Variants in C10orf143 observed in about 807,000 individuals in gnomAD.
C10orf143 encodes the protein chromosome 10 open reading frame 143, also known as uncharacterized protein C10orf143.
intron 3 of C10orf143, among the ~76,000 whole-genome samples, chr10:130,070,037 A>G (rs1861004797): frequency 6.6e-6 from 1 of 152,140 alleles, no homozygotes; most frequent in African/African-American, 2.4e-5. Context: ...AATATATATC[A>G]TGAATGGGAT....
intron 1 of C10orf143, among the ~76,000 whole-genome samples, chr10:130,103,170 G>A (rs910561840): frequency 6.6e-6 from 1 of 152,028 alleles, no homozygotes; most frequent in Non-Finnish European, 1.5e-5. Context: ...TAGAGACGGG[G>A]TTTCTCCATG....
exon 4 of C10orf143, chr10:130,035,913 T>C (rs975170203): frequency 6.6e-6 from 1 of 152,198 alleles, no homozygotes; most frequent in African/African-American, 2.4e-5. Context: ...CATGGCTGGG[T>C]TCTGGTAAGC....
intron 1 of C10orf143, among the ~76,000 whole-genome samples, chr10:130,084,120 C>G (rs1379780750): frequency 6.6e-6 from 1 of 151,954 alleles, no homozygotes; most frequent in Non-Finnish European, 1.5e-5. Context: ...ACTAGCCTGG[C>G]CAATATGGTA....
intron 3 of C10orf143, among the ~76,000 whole-genome samples, chr10:130,045,741 C>T (rs1202428995): frequency 2.0e-5 from 3 of 152,206 alleles, no homozygotes; most frequent in Non-Finnish European, 4.4e-5. Flanking sequence ...CGTCCCGCCA[C>T]GCGGGCGGGA....
chr10:130,066,182 ATT>A (rs764477540), intron 3 of C10orf143: 3,749 of 112,730 alleles, frequency 0.033, 171 homozygotes, highest in African/African-American at 0.11. Flanking sequence ...TGAGACCTGG[ATT>A]TTTTTTTTTT....
At chr10:130,103,806 T>C (rs773923025) in intron 1 of C10orf143, among the ~76,000 whole-genome samples, 5 of 150,328 alleles carry the variant, frequency 3.3e-5, no homozygotes, top group Admixed American at 6.7e-5. Flanking sequence ...CAAAATTCTG[T>C]CTCAAAAAGA....
In C10orf143 at chr10:130,085,786, GA is replaced by G. The variant is rs112576346; in HGVS notation, c.70-5886del. 1.9e-3 allele frequency among the ~76,000 whole-genome samples: 284 copies of G among 151,328 alleles called. 3 individuals carry two copies. The South Asian group carries it at 0.02, about 10-fold the overall frequency. On this transcript the variant is annotated intron_variant, in intron 1 of 3. Coordinates refer to ENST00000637128, the MANE Select transcript of C10orf143 (RefSeq NM_001355042.2). ...TTCAAAATAACAAGTTTTTTAAAAT[GA>G]AAAAAAAATATCTTGCATCCCTAAT...
At chr10:130,050,779 G>A (rs1292075181) in intron 3 of C10orf143, among the ~76,000 whole-genome samples, 1 of 152,202 alleles carries the variant, frequency 6.6e-6, no homozygotes, top group Non-Finnish European at 1.5e-5. Context: ...AAGAGCATGT[G>A]GCAACCGAAT....
At chr10:130,053,472 T>C (rs1860760024) in intron 3 of C10orf143, among the ~76,000 whole-genome samples, 1 of 152,116 alleles carries the variant, frequency 6.6e-6, no homozygotes, top group Admixed American at 6.5e-5. Context: ...TTCATTAAGG[T>C]TTTTGGGACC....
chr10:130,077,328 G>C (rs1861135050), intron 3 of C10orf143, among the ~76,000 whole-genome samples: 1 of 152,160 alleles, frequency 6.6e-6, no homozygotes, highest in Admixed American at 6.5e-5. Flanking sequence ...AGCTCAGACG[G>C]CTATACTGAG....
chr10:130,104,206 G>C (rs1278968481), intron 1 of C10orf143: 1 of 152,200 alleles, frequency 6.6e-6, no homozygotes, highest in African/African-American at 2.4e-5. Flanking sequence ...CAGGGCTTGA[G>C]ACACAGCAGG....
At chr10:130,078,539 T>C (rs898596020) in intron 3 of C10orf143, among the ~76,000 whole-genome samples, 2 of 152,192 alleles carry the variant, frequency 1.3e-5, no homozygotes, top group Non-Finnish European at 2.9e-5. Context: ...ACATAACCTA[T>C]GAAAATTTTT....
At chr10:130,100,110 A>G (rs111761257) in intron 1 of C10orf143, among the ~76,000 whole-genome samples, 8,166 of 151,830 alleles carry the variant, frequency 0.054, 715 homozygotes, top group African/African-American at 0.19. Context: ...TGCTGGGATT[A>G]CAGGTGTGAG....
chr10:130,075,304 A>G (rs544655005), intron 3 of C10orf143, among the ~76,000 whole-genome samples: 1 of 152,226 alleles, frequency 6.6e-6, no homozygotes, highest in East Asian at 1.9e-4. Flanking sequence ...GCCTGACTGT[A>G]TTTTTAACTT....
rs140558338 is a variant in C10orf143 at position 130,093,480 on chromosome 10, A to C, written c.70-13579T>G. 3.3e-3 allele frequency among the ~76,000 whole-genome samples: 498 copies of C among 152,344 alleles called. 6 individuals carry two copies. The highest frequency in any genetic ancestry group is 0.011 in the African/African-American group (472 of 41,572). On this transcript the variant is annotated intron_variant, in intron 1 of 3. Transcript: ENST00000637128. ...AAAGTGGGAAAGATCAAAAATTGAC[A>C]TCCTACCATCACAATTAAAAGAACT...
At chr10:130,048,457 G>A (rs1349796671) in intron 3 of C10orf143, among the ~76,000 whole-genome samples, 1 of 152,032 alleles carries the variant, frequency 6.6e-6, no homozygotes, top group Non-Finnish European at 1.5e-5. Context: ...ATACACACTC[G>A]CCTAAGTCCC....
intron 1 of C10orf143, among the ~76,000 whole-genome samples, chr10:130,094,799 C>T (rs758371019): frequency 6.6e-6 from 1 of 152,174 alleles, no homozygotes; most frequent in Non-Finnish European, 1.5e-5. Flanking sequence ...TGGAAGCATT[C>T]CCTTTGAAAA....
chr10:130,086,522 C>G (rs1184392669), intron 1 of C10orf143, among the ~76,000 whole-genome samples: 1 of 152,202 alleles, frequency 6.6e-6, no homozygotes, highest in African/African-American at 2.4e-5. Context: ...GTTTGAAGAA[C>G]TAAGACCAAG....
At chr10:130,106,081 G>A in intron 1 of C10orf143, 2 of 604,844 alleles carry the variant, frequency 3.3e-6, no homozygotes, top group South Asian at 1.4e-5. Context: ...AGCGGTACTT[G>A]GGGCTGGTCC....
Sources: gnomAD v4.1 joint callset for allele counts (sites outside exome capture counted in the v4.1 genomes callset) on GRCh38, gnomAD v4.1.1 for gene constraint, MANE v1.5 for transcripts, NCBI Gene and HGNC (gene_info 2026-07-23, HGNC 2026-07-21) for gene names.